MAD1L1: variants seen among roughly 807,000 people sequenced by gnomAD.
MAD1L1 encodes mitotic arrest deficient 1 like 1.
MAD1L1 carries 95 observed loss-of-function variants against 96.9 expected under a neutral mutation model. The observed-to-expected ratio is 0.98, with a 90% CI of 0.83 to 1.16. The LOEUF (loss-of-function observed/expected upper bound fraction) is 1.16. Ranked by LOEUF, MAD1L1 falls within the 50% of genes most tolerant of loss-of-function variation. The pLI, the probability that MAD1L1 is intolerant of heterozygous loss-of-function variation, is 0.00. For synonymous variants in MAD1L1, 473 were observed against 396.6 expected (o/e 1.19, Z -2.29); for missense variants, 1,007 against 954.4 (o/e 1.06, Z -0.73).
intron 17 of MAD1L1, among the ~76,000 whole-genome samples, chr7:1,931,272 G>A (rs549364945): frequency 1.1e-3 from 172 of 152,244 alleles, no homozygotes; most frequent in African/African-American, 3.8e-3. Flanking sequence ...GAGCGAGGGC[G>A]CGTCGTGGGG....
chr7:1,907,583 G>C (rs1562512496), intron 17 of MAD1L1, among the ~76,000 whole-genome samples: 1 of 152,246 alleles, frequency 6.6e-6, no homozygotes. Flanking sequence ...AGGAGGAAGG[G>C]AGTGATTCCA....
chr7:2,150,265 G>A (rs902132870), intron 10 of MAD1L1, among the ~76,000 whole-genome samples: 6 of 152,064 alleles, frequency 3.9e-5, no homozygotes, highest in African/African-American at 4.8e-5. Flanking sequence ...CAGCCTGCCC[G>A]GGAGCTCCTC....
intron 17 of MAD1L1, among the ~76,000 whole-genome samples, chr7:1,922,906 TG>T (rs1475921237): frequency 6.6e-6 from 1 of 152,246 alleles, no homozygotes; most frequent in Non-Finnish European, 1.5e-5. Flanking sequence ...GCTGACGCGA[TG>T]GATTGTACCA....
At chr7:1,884,351 A>G (rs1583650178) in intron 18 of MAD1L1, among the ~76,000 whole-genome samples, 1 of 152,308 alleles carries the variant, frequency 6.6e-6, no homozygotes, top group East Asian at 1.9e-4. Flanking sequence ...ATGTCCGGGC[A>G]GCCACCAGCT....
chr7:1,941,625 G>A (rs923672190), intron 16 of MAD1L1, among the ~76,000 whole-genome samples: 5 of 152,220 alleles, frequency 3.3e-5, no homozygotes, highest in Non-Finnish European at 5.9e-5. Flanking sequence ...CAGCCGCTAC[G>A]CATGCACCAC....
At chr7:2,156,541 G>T (rs1789858553) in intron 10 of MAD1L1, among the ~76,000 whole-genome samples, 1 of 152,158 alleles carries the variant, frequency 6.6e-6, no homozygotes, top group African/African-American at 2.4e-5. Flanking sequence ...GGGGAGGCTG[G>T]GCGCGCAGTG....
intron 11 of MAD1L1, among the ~76,000 whole-genome samples, chr7:2,084,204 T>C (rs1354441758): frequency 6.6e-6 from 1 of 152,214 alleles, no homozygotes; most frequent in Non-Finnish European, 1.5e-5. Context: ...TGGAAGTTTC[T>C]GCGTATGTGT....
intron 11 of MAD1L1, among the ~76,000 whole-genome samples, chr7:2,125,454 G>A (rs528538981): frequency 2.0e-5 from 3 of 152,216 alleles, no homozygotes; most frequent in Admixed American, 6.5e-5. Flanking sequence ...GCAGCCTGGT[G>A]AGCGAGCTCC....
intron 12 of MAD1L1, among the ~76,000 whole-genome samples, chr7:2,057,033 C>T (rs571865098): frequency 3.9e-5 from 6 of 152,352 alleles, no homozygotes; most frequent in South Asian, 2.1e-4. Flanking sequence ...GCCTGTTCAC[C>T]GGCTTCCCAC....
At chr7:2,215,251 G>A (rs770784406) in intron 9 of MAD1L1, among the ~76,000 whole-genome samples, 17 of 151,928 alleles carry the variant, frequency 1.1e-4, no homozygotes, top group East Asian at 1.9e-4. Context: ...GGTGGCGCAC[G>A]CCTGTAGTCC....
chr7:2,030,657 C>T (rs984158024), intron 12 of MAD1L1, among the ~76,000 whole-genome samples: 4 of 152,236 alleles, frequency 2.6e-5, no homozygotes, highest in African/African-American at 7.2e-5. Context: ...GACGCCGCCC[C>T]GGCAGAGGAA....
chr7:2,161,194 T>C (rs1185802180), intron 10 of MAD1L1, among the ~76,000 whole-genome samples: 1 of 71,878 alleles, frequency 1.4e-5, no homozygotes, highest in Non-Finnish European at 2.8e-5. Flanking sequence ...CTCGACTCAC[T>C]GCAACCTCCC....
intron 15 of MAD1L1, among the ~76,000 whole-genome samples, chr7:1,961,679 T>G (rs574310448): frequency 5.2e-4 from 79 of 152,254 alleles, no homozygotes; most frequent in Non-Finnish European, 7.8e-4. Flanking sequence ...CTGATAGGGT[T>G]TGGCTGTGTC....
At chr7:2,227,534 C>T (rs1183557314) in intron 3 of MAD1L1, among the ~76,000 whole-genome samples, 1 of 152,212 alleles carries the variant, frequency 6.6e-6, no homozygotes, top group East Asian at 1.9e-4. Context: ...CCACAATGCA[C>T]AAGAAAGTCC....
chr7:2,209,273 G>T (rs1792765905), intron 10 of MAD1L1, among the ~76,000 whole-genome samples: 1 of 152,150 alleles, frequency 6.6e-6, no homozygotes, highest in African/African-American at 2.4e-5. Flanking sequence ...GGGTGACCAG[G>T]CCACTCTCTC....
At chr7:2,081,382 C>T (rs1355545385) in intron 11 of MAD1L1, among the ~76,000 whole-genome samples, 7 of 152,238 alleles carry the variant, frequency 4.6e-5, no homozygotes, top group South Asian at 4.1e-4. Flanking sequence ...ACAGCATCCA[C>T]GTATCAGTCC....
At chr7:1,911,096 C>G (rs771446640) in intron 17 of MAD1L1, among the ~76,000 whole-genome samples, 4 of 152,186 alleles carry the variant, frequency 2.6e-5, no homozygotes, top group Non-Finnish European at 4.4e-5. Flanking sequence ...AGTGCTACTC[C>G]CACAGTTCCC....
At chr7:2,066,141 G>A (rs934153997) in intron 12 of MAD1L1, among the ~76,000 whole-genome samples, 11 of 152,150 alleles carry the variant, frequency 7.2e-5, no homozygotes, top group African/African-American at 1.7e-4. Flanking sequence ...TCCAAGCACC[G>A]TGTACTAAAA....
At chr7:1,944,541 G>A (rs1459009500) in intron 16 of MAD1L1, among the ~76,000 whole-genome samples, 1 of 152,170 alleles carries the variant, frequency 6.6e-6, no homozygotes, top group Non-Finnish European at 1.5e-5. Context: ...GGGCTGAGAG[G>A]GGCTGCCTGG....
Sources: gnomAD v4.1 joint callset for allele counts (sites outside exome capture counted in the v4.1 genomes callset) on GRCh38, gnomAD v4.1.1 for gene constraint, MANE v1.5 for transcripts, NCBI Gene and HGNC (gene_info 2026-07-23, HGNC 2026-07-21) for gene names.